The following FHIT variants were observed in gnomAD, a reference collection of about 807,000 sequenced individuals.
FHIT encodes bis(5'-adenosyl)-triphosphatase.
FHIT carries 19 observed loss-of-function variants against 17.9 expected under a neutral mutation model. The observed-to-expected ratio is 1.06, with a 90% CI of 0.74 to 1.56. The LOEUF (loss-of-function observed/expected upper bound fraction) is 1.56, where lower values mean the gene tolerates loss of function less well. Ranked by LOEUF, FHIT falls within the 40% of genes most tolerant of loss-of-function variation. FHIT has a pLI of 0.00. For synonymous variants in FHIT, 81 were observed against 69.7 expected (o/e 1.16, Z -0.81); for missense variants, 248 against 189.2 (o/e 1.31, Z -1.82).
chr3:59,857,699 T>G (rs1702216778), intron 8 of FHIT, among the ~76,000 whole-genome samples: 1 of 141,238 alleles, frequency 7.1e-6, no homozygotes, highest in African/African-American at 2.7e-5. Flanking sequence ...CTGTGCAAAG[T>G]GCTGGGTTTT....
chr3:60,120,734 G>A (rs948868400), intron 5 of FHIT, among the ~76,000 whole-genome samples: 4 of 152,150 alleles, frequency 2.6e-5, no homozygotes, highest in African/African-American at 9.7e-5. Context: ...TTCAAGACAG[G>A]TACTCACTCA....
chr3:59,750,481 T>G (rs115475917), intron 9 of FHIT: 3,525 of 223,868 alleles, frequency 0.016, 120 homozygotes, highest in African/African-American at 0.07. Context: ...TGTTCTTAGG[T>G]AAACTAAACT....
intron 5 of FHIT, among the ~76,000 whole-genome samples, chr3:60,438,939 T>C (rs1046163908): frequency 6.6e-6 from 1 of 152,148 alleles, no homozygotes; most frequent in Non-Finnish European, 1.5e-5. Flanking sequence ...TTTTAGTGTA[T>C]TTACATGATT....
At chr3:60,878,431 C>T (rs1370295691) in intron 3 of FHIT, among the ~76,000 whole-genome samples, 2 of 152,008 alleles carry the variant, frequency 1.3e-5, no homozygotes, top group Non-Finnish European at 2.9e-5. Flanking sequence ...AATAGGAGGA[C>T]CCCAAAAGCC....
At chr3:59,789,360 C>T (rs1251772694) in intron 8 of FHIT, among the ~76,000 whole-genome samples, 6 of 152,162 alleles carry the variant, frequency 3.9e-5, no homozygotes, top group Non-Finnish European at 8.8e-5. Flanking sequence ...GCACATTTCA[C>T]GTTCAGAAAA....
chr3:59,943,302 G>A (rs1706626351), intron 7 of FHIT, among the ~76,000 whole-genome samples: 1 of 152,040 alleles, frequency 6.6e-6, no homozygotes. Flanking sequence ...TTAAACCTGG[G>A]CTCAAAGAGA....
At chr3:60,760,518 G>A (rs1699610168) in intron 4 of FHIT, among the ~76,000 whole-genome samples, 1 of 152,150 alleles carries the variant, frequency 6.6e-6, no homozygotes, top group South Asian at 2.1e-4. Flanking sequence ...GCTTTAAACT[G>A]CCTTTCATAT....
intron 7 of FHIT, among the ~76,000 whole-genome samples, chr3:59,993,202 TACG>T (rs1372215363): frequency 6.6e-6 from 1 of 152,092 alleles, no homozygotes; most frequent in African/African-American, 2.4e-5. Flanking sequence ...CCTTGGTCGT[TACG>T]ACATGTTGCC....
At chr3:60,201,199 G>A (rs1354479962) in intron 5 of FHIT, among the ~76,000 whole-genome samples, 2 of 152,040 alleles carry the variant, frequency 1.3e-5, no homozygotes, top group Non-Finnish European at 1.5e-5. Context: ...TTCCACTGCT[G>A]ATTTTACCAA....
At chr3:61,135,452 T>C (rs187868505) in intron 2 of FHIT, among the ~76,000 whole-genome samples, 1 of 152,340 alleles carries the variant, frequency 6.6e-6, no homozygotes, top group Admixed American at 6.5e-5. Flanking sequence ...CTCATTAGTA[T>C]TGTTGTTCCC....
chr3:61,054,645 C>A (rs931484084), intron 2 of FHIT, among the ~76,000 whole-genome samples: 1 of 152,170 alleles, frequency 6.6e-6, no homozygotes, highest in African/African-American at 2.4e-5. Flanking sequence ...ATAAACCCTG[C>A]AATTTAGCCA....
intron 3 of FHIT, among the ~76,000 whole-genome samples, chr3:61,022,438 T>A (rs1473646065): frequency 6.6e-6 from 1 of 152,204 alleles, no homozygotes; most frequent in Non-Finnish European, 1.5e-5. Flanking sequence ...GTACCATTCC[T>A]TCTGAAACTA....
intron 3 of FHIT, among the ~76,000 whole-genome samples, chr3:60,993,152 A>G (rs896820502): frequency 2.0e-5 from 3 of 152,232 alleles, no homozygotes; most frequent in Non-Finnish European, 4.4e-5. Context: ...TTCTGCATCT[A>G]TCTCAGTGAA....
At chr3:60,208,266 A>C in intron 5 of FHIT, among the ~76,000 whole-genome samples, 1 of 152,172 alleles carries the variant, frequency 6.6e-6, no homozygotes, top group South Asian at 2.1e-4. Flanking sequence ...TTTTAATCAC[A>C]TTTTTATTGA....
intron 8 of FHIT, among the ~76,000 whole-genome samples, chr3:59,835,874 A>G (rs1471649076): frequency 6.6e-6 from 1 of 152,168 alleles, no homozygotes; most frequent in Admixed American, 6.5e-5. Context: ...CAAGCGGTAC[A>G]TTACTAAAGA....
intron 2 of FHIT, among the ~76,000 whole-genome samples, chr3:61,149,772 C>T (rs943771363): frequency 2.0e-5 from 3 of 150,752 alleles, no homozygotes; most frequent in Non-Finnish European, 3.0e-5. Context: ...CTCAGCTACT[C>T]GGGAGGCTGA....
intron 1 of FHIT, among the ~76,000 whole-genome samples, chr3:61,219,033 C>A (rs947350636): frequency 4.6e-5 from 7 of 152,196 alleles, no homozygotes; most frequent in African/African-American, 1.7e-4. Flanking sequence ...GCCCACTATA[C>A]ACTTATCCTA....
chr3:59,868,023 G>A (rs536033010), intron 8 of FHIT, among the ~76,000 whole-genome samples: 4 of 125,730 alleles, frequency 3.2e-5, no homozygotes, highest in African/African-American at 1.3e-4. Context: ...ATGAACTACT[G>A]CTGTGGAAAT....
At chr3:61,082,913 G>C (rs2035185589) in intron 2 of FHIT, among the ~76,000 whole-genome samples, 7 of 152,040 alleles carry the variant, frequency 4.6e-5, no homozygotes, top group Admixed American at 4.6e-4. Flanking sequence ...TCCCTACTTA[G>C]CTCCCAAGAT....
Sources: allele counts gnomAD v4.1 joint callset (sites outside exome capture counted in the v4.1 genomes callset), GRCh38; gene constraint gnomAD v4.1.1; transcripts MANE v1.5; gene names NCBI Gene and HGNC (gene_info 2026-07-23, HGNC 2026-07-21).